The following CEP128 variants were observed in gnomAD, a reference collection of about 807,000 sequenced individuals.
CEP128 encodes centrosomal protein 128kDa.
CEP128 carries 132 observed loss-of-function variants against 156.7 expected under a neutral mutation model. The ratio of observed to expected loss-of-function variants is 0.84; its 90% CI spans 0.73 to 0.97. CEP128 has a LOEUF of 0.97. CEP128 is among the 50% of genes least tolerant of loss of function. The pLI, the probability that CEP128 is intolerant of heterozygous loss-of-function variation, is 0.00. For synonymous variants in CEP128, 469 were observed against 448.9 expected, an observed-to-expected ratio of 1.04 and a Z score of -0.57; for missense variants, 1,252 against 1,281.9, an observed-to-expected ratio of 0.98 and a Z score of 0.36.
At chr14:80,722,928 G>A (rs536775836) in intron 19 of CEP128, among the ~76,000 whole-genome samples, 1 of 147,874 alleles carries the variant, frequency 6.8e-6, no homozygotes, top group South Asian at 2.2e-4. Context: ...CTGGGTTCAC[G>A]CCATTCTCCT....
chr14:80,699,170 G>A (rs567820499), intron 19 of CEP128, among the ~76,000 whole-genome samples: 108 of 152,238 alleles, frequency 7.1e-4, no homozygotes, highest in Non-Finnish European at 1.2e-3. Context: ...TTAGGGATAC[G>A]TCAGCCTCTG....
At chr14:80,535,615 TCACACA>T (rs34455428) in intron 21 of CEP128, among the ~76,000 whole-genome samples, 2 of 149,682 alleles carry the variant, frequency 1.3e-5, no homozygotes. Context: ...ATGCACACAC[TCACACA>T]CACACACACA....
At chr14:80,832,621 G>A (rs1290147054) in intron 12 of CEP128, among the ~76,000 whole-genome samples, 2 of 152,168 alleles carry the variant, frequency 1.3e-5, no homozygotes, top group African/African-American at 4.8e-5. Context: ...AGGAACTAAA[G>A]TAGGAAGAAC....
chr14:80,507,395 T>C (rs550880697), intron 23 of CEP128, among the ~76,000 whole-genome samples: 1 of 152,198 alleles, frequency 6.6e-6, no homozygotes, highest in African/African-American at 2.4e-5. Context: ...TTCCAACAAC[T>C]ACTTTAGAAT....
chr14:80,941,897 A>T (rs1221025030), upstream of CEP128: 1 of 152,434 alleles, frequency 6.6e-6, no homozygotes, highest in African/African-American at 2.4e-5. Context: ...GCCTTCGGGT[A>T]ACTTTCCCGG....
intron 19 of CEP128, among the ~76,000 whole-genome samples, chr14:80,737,685 A>G (rs1041526334): frequency 6.6e-6 from 1 of 152,110 alleles, no homozygotes; most frequent in Non-Finnish European, 1.5e-5. Context: ...GTTTGAGACC[A>G]GCCTGGGTAA....
intron 19 of CEP128, among the ~76,000 whole-genome samples, chr14:80,731,439 A>G (rs559907565): frequency 6.5e-4 from 99 of 152,346 alleles, no homozygotes; most frequent in Middle Eastern, 6.8e-3. Context: ...CAAACCCTCA[A>G]GAAATATTAG....
chr14:80,504,163 A>G (rs1887862945), intron 24 of CEP128, among the ~76,000 whole-genome samples: 1 of 152,170 alleles, frequency 6.6e-6, no homozygotes, highest in Non-Finnish European at 1.5e-5. Context: ...AACAAAAACA[A>G]CTTATATGTA....
intron 13 of CEP128, among the ~76,000 whole-genome samples, chr14:80,810,812 A>G (rs950507157): frequency 9.2e-5 from 14 of 152,182 alleles, no homozygotes; most frequent in African/African-American, 3.1e-4. Flanking sequence ...GTTCTGAGAT[A>G]CATGTGTAGG....
chr14:80,882,474 A>G (rs1204167346), intron 8 of CEP128, among the ~76,000 whole-genome samples: 1 of 152,156 alleles, frequency 6.6e-6, no homozygotes, highest in East Asian at 1.9e-4. Context: ...GTTCGTGGGA[A>G]TGTAAATTAG....
chr14:80,529,758 A>C (rs1889142085), intron 22 of CEP128, among the ~76,000 whole-genome samples: 1 of 152,230 alleles, frequency 6.6e-6, no homozygotes, highest in African/African-American at 2.4e-5. Context: ...TCTTTGATAG[A>C]TATTTAAACT....
intron 2 of CEP128, among the ~76,000 whole-genome samples, chr14:80,937,417 G>A (rs1387955055): frequency 2.6e-5 from 4 of 152,110 alleles, no homozygotes; most frequent in South Asian, 2.1e-4. Context: ...TTTATGTATA[G>A]ACATATGCAT....
intron 16 of CEP128, among the ~76,000 whole-genome samples, chr14:80,777,343 C>G (rs2139767172): frequency 6.6e-6 from 1 of 152,256 alleles, no homozygotes; most frequent in Admixed American, 6.5e-5. Flanking sequence ...TGTGAAGACA[C>G]AGCAAGAAGA....
At chr14:80,540,480 G>A (rs1242855158) in intron 21 of CEP128, among the ~76,000 whole-genome samples, 2 of 152,226 alleles carry the variant, frequency 1.3e-5, no homozygotes, top group Admixed American at 6.5e-5. Context: ...TGAAGAGCCT[G>A]GTGTGGCCAG....
chr14:80,672,759 A>G (rs192273637), intron 19 of CEP128, among the ~76,000 whole-genome samples: 155 of 152,326 alleles, frequency 1.0e-3, no homozygotes, highest in Admixed American at 3.1e-3. Flanking sequence ...TGCTTTCTAA[A>G]TAACAAATAT....
chr14:80,890,832 A>C (rs538137427), intron 8 of CEP128, among the ~76,000 whole-genome samples: 11 of 152,222 alleles, frequency 7.2e-5, no homozygotes, highest in African/African-American at 2.4e-4. Flanking sequence ...ATTATTCATA[A>C]GGAGCTCAAA....
chr14:80,784,327 C>A (rs904505478), intron 15 of CEP128, among the ~76,000 whole-genome samples: 4 of 151,538 alleles, frequency 2.6e-5, no homozygotes, highest in African/African-American at 9.7e-5. Context: ...TATCACACTC[C>A]TGACAATCAT....
intron 19 of CEP128, among the ~76,000 whole-genome samples, chr14:80,713,549 A>G (rs907831288): frequency 6.6e-6 from 1 of 152,056 alleles, no homozygotes; most frequent in Non-Finnish European, 1.5e-5. Flanking sequence ...ATCTGTATAT[A>G]TAGCAATTCA....
chr14:80,856,685 G>A (rs1213510848), intron 9 of CEP128, among the ~76,000 whole-genome samples: 2 of 144,684 alleles, frequency 1.4e-5, no homozygotes, highest in Non-Finnish European at 3.0e-5. Context: ...GTGCGTGTGT[G>A]TGTGTGTCCA....
Sources: allele counts gnomAD v4.1 joint callset (sites outside exome capture counted in the v4.1 genomes callset), GRCh38; gene constraint gnomAD v4.1.1; transcripts MANE v1.5; gene names NCBI Gene and HGNC (gene_info 2026-07-23, HGNC 2026-07-21).